Variants in SMG6 observed in about 807,000 individuals in gnomAD.
SMG6 encodes the protein telomerase-binding protein EST1A.
A neutral mutation model predicts 142.2 loss-of-function variants in SMG6; 66 were observed. The ratio of observed to expected loss-of-function variants is 0.46; its 90% confidence interval spans 0.38 to 0.57. The LOEUF is 0.57. SMG6 is among the 20% of genes least tolerant of loss of function. SMG6 has a pLI of 0.00. For synonymous variants in SMG6, 779 were observed against 702.4 expected, an observed-to-expected ratio of 1.11 and a Z score of -1.72; for missense variants, 1,793 against 1,832.0, an observed-to-expected ratio of 0.98 and a Z score of 0.39.
chr17:2,297,035 GAAAGA>G (rs1341407294), intron 4 of SMG6, among the ~76,000 whole-genome samples: 1 of 145,088 alleles, frequency 6.9e-6, no homozygotes, highest in Middle Eastern at 3.6e-3. Flanking sequence ...AAGAAAGAAA[GAAAGA>G]AAAAAGGCTG....
chr17:2,123,081 C>T (rs1343097193), intron 13 of SMG6, among the ~76,000 whole-genome samples: 1 of 152,098 alleles, frequency 6.6e-6, no homozygotes, highest in East Asian at 1.9e-4. Context: ...ACAATGCTGC[C>T]GCATAACGCT....
intron 13 of SMG6, among the ~76,000 whole-genome samples, chr17:2,134,636 G>A (rs1478311559): frequency 1.3e-5 from 2 of 152,010 alleles, no homozygotes; most frequent in Non-Finnish European, 2.9e-5. Context: ...CTGTTTATAA[G>A]AGTAGACAAA....
At position 2,280,621 on chromosome 17, in the gene SMG6, A is replaced by G. The variant is rs145742220; in HGVS notation, c.2661+2026T>C. ...TAAAATGAAAAGCTCAAACTCAAAGATTTAAATTTAAAGAAAATTAAGGGT... is the reference window on the plus strand; with the variant it reads ...TAAAATGAAAAGCTCAAACTCAAAGGTTTAAATTTAAAGAAAATTAAGGGT... On this transcript the variant is annotated intron_variant, in intron 8 of 18. Transcript: ENST00000263073. 187 of 983,390 alleles carry G rather than the reference A, an allele frequency of 1.9e-4. 4 individuals are homozygous for G. In the East Asian group the frequency reaches 0.02, roughly 103 times the overall value. 60.9% of individuals were successfully genotyped at this position (983,390 alleles called of 1,614,324 possible). A position where few individuals can be genotyped will look rare whatever the true frequency, so the allele number is the denominator to read the frequency against.
intron 14 of SMG6, among the ~76,000 whole-genome samples, chr17:2,082,974 T>C (rs976532110): frequency 7.9e-5 from 12 of 152,212 alleles, no homozygotes; most frequent in East Asian, 1.9e-4. Flanking sequence ...TGAGATAAGA[T>C]AGGTGCTATC....
At chr17:2,279,533 G>A (rs1446151692) in intron 8 of SMG6, among the ~76,000 whole-genome samples, 2 of 152,140 alleles carry the variant, frequency 1.3e-5, no homozygotes, top group African/African-American at 2.4e-5. Context: ...AGAGGACCAG[G>A]AATAAATCTG....
Position 2,303,763 on chromosome 17 carries a change from G to A in SMG6, c.-43C>T, listed in dbSNP as rs1009018146. On this transcript the variant is annotated 5_prime_UTR_variant, in exon 1 of 19. Transcript: ENST00000263073. ...CAGCCGTAGCGGCTCCGCCACCGCCGCGCGCAGCCAGGAAACCACCACAGA... is the reference window on the plus strand; with the variant it reads ...CAGCCGTAGCGGCTCCGCCACCGCCACGCGCAGCCAGGAAACCACCACAGA... 1.4e-5 allele frequency: 20 copies of A among 1,466,554 alleles called. No individual in the cohort carries two copies. Among genetic ancestry groups the A allele is most frequent in the African/African-American group, 4.4e-5 (3 of 68,106 alleles). The allele number at this position is 1,466,554 out of a possible 1,614,324, so 90.8% of individuals were successfully genotyped here.
chr17:2,129,453 A>G (rs930748893), intron 13 of SMG6, among the ~76,000 whole-genome samples: 6 of 152,170 alleles, frequency 3.9e-5, no homozygotes, highest in African/African-American at 9.6e-5. Flanking sequence ...ATACTCAGCA[A>G]TCTAGGAATA....
chr17:2,170,652 A>G (rs2071474997), intron 13 of SMG6, among the ~76,000 whole-genome samples: 1 of 152,260 alleles, frequency 6.6e-6, no homozygotes, highest in Admixed American at 6.5e-5. Context: ...AAAGGCAAAA[A>G]GTAAGTATTC....
At chr17:2,141,795 A>G (rs184814688) in intron 13 of SMG6, among the ~76,000 whole-genome samples, 2 of 152,302 alleles carry the variant, frequency 1.3e-5, no homozygotes, top group Admixed American at 6.5e-5. Flanking sequence ...ATTCTGGGGA[A>G]GCATCTGGAG....
chr17:2,252,390 C>T (rs1453472559), intron 8 of SMG6, among the ~76,000 whole-genome samples: 1 of 126,280 alleles, frequency 7.9e-6, no homozygotes, highest in African/African-American at 2.7e-5. Context: ...CAGAGCAAGA[C>T]TCCAACTCAA....
chr17:2,078,286 A>C (rs1010796326), intron 15 of SMG6, among the ~76,000 whole-genome samples: 1 of 152,238 alleles, frequency 6.6e-6, no homozygotes, highest in Non-Finnish European at 1.5e-5. Context: ...ATGTGTGAAT[A>C]AATAGTATTT....
At chr17:2,258,024 A>ATAT (rs1399835993) in intron 8 of SMG6, among the ~76,000 whole-genome samples, 3,897 of 57,596 alleles carry the variant, frequency 0.068, 261 homozygotes, top group African/African-American at 0.12. Context: ...AAAAAAAAAA[A>ATAT]AAAAAAAAAA....
chr17:2,263,895 T>C (rs1414182660), intron 8 of SMG6, among the ~76,000 whole-genome samples: 2 of 152,086 alleles, frequency 1.3e-5, no homozygotes, highest in Non-Finnish European at 2.9e-5. Flanking sequence ...TTCTGGCACC[T>C]TTAAGAGCAA....
chr17:2,217,654 C>G (rs1436543546), intron 10 of SMG6, among the ~76,000 whole-genome samples: 1 of 152,172 alleles, frequency 6.6e-6, no homozygotes, highest in Non-Finnish European at 1.5e-5. Flanking sequence ...GAGCCCAAGA[C>G]AGCCAAGTGC....
At chr17:2,132,999 CTTTGGGAGGCCAAGG>C (rs2070173837) in intron 13 of SMG6, among the ~76,000 whole-genome samples, 3 of 152,192 alleles carry the variant, frequency 2.0e-5, no homozygotes, top group Non-Finnish European at 2.9e-5. Flanking sequence ...AATCCCAGCA[CTTTGGGAGGCCAAGG>C]TGGGTGGATT....
intron 8 of SMG6, chr17:2,280,690 T>TGTA: frequency 3.2e-6 from 2 of 634,850 alleles, no homozygotes; most frequent in Non-Finnish European, 3.9e-6. Flanking sequence ...ATATATAGTT[T>TGTA]CATCAATAGT....
chr17:2,127,327 C>T (rs1267918748), intron 13 of SMG6: 4 of 463,612 alleles, frequency 8.6e-6, no homozygotes, highest in Non-Finnish European at 1.7e-5. Context: ...GTGATGGTCG[C>T]ACAACACTGT....
chr17:2,161,332 G>GA (rs2071171195), intron 13 of SMG6, among the ~76,000 whole-genome samples: 1 of 151,796 alleles, frequency 6.6e-6, no homozygotes, highest in South Asian at 2.1e-4. Context: ...TCAAACTCCC[G>GA]ACCTCAGGTT....
At chr17:2,211,418 A>T (rs1026634212) in intron 10 of SMG6, among the ~76,000 whole-genome samples, 3 of 152,152 alleles carry the variant, frequency 2.0e-5, no homozygotes, top group African/African-American at 7.2e-5. Flanking sequence ...TAATCCCAGC[A>T]CTTTGGGAGG....
Sources: allele counts gnomAD v4.1 joint callset (sites outside exome capture counted in the v4.1 genomes callset), GRCh38; gene constraint gnomAD v4.1.1; transcripts MANE v1.5; gene names NCBI Gene and HGNC (gene_info 2026-07-23, HGNC 2026-07-21).